Variants in DSPP observed in about 807,000 individuals in gnomAD.
DSPP encodes the protein deafness, autosomal dominant 39.
DSPP carries 28 observed loss-of-function variants against 29.1 expected under a neutral mutation model. The ratio of observed to expected loss-of-function variants is 0.96; its 90% CI spans 0.71 to 1.32. The LOEUF is 1.32. DSPP is among the 40% of genes most tolerant of loss of function. The pLI, the probability that DSPP is intolerant of heterozygous loss-of-function variation, is 0.00. For synonymous variants in DSPP, 481 were observed against 503.4 expected (o/e 0.96, Z 0.60); for missense variants, 1,281 against 1,629.9 (o/e 0.79, Z 3.69).
At chr4:87,610,086 T>C (rs1238894096) in intron 1 of DSPP, among the ~76,000 whole-genome samples, 1 of 152,172 alleles carries the variant, frequency 6.6e-6, no homozygotes, top group African/African-American at 2.4e-5. Context: ...AATACAATAA[T>C]CACCAAGACA....
rs763169156 is a variant in DSPP at position 87,612,708 on chromosome 4, G to A, written c.522G>A (p.Glu174=). Residue 174 remains glutamate (E), a synonymous_variant, in exon 4 of 5, where the codon GAG becomes GAA. Coordinates refer to ENST00000651931, the MANE Select transcript of DSPP (RefSeq NM_014208.3). ...ATGTTGGCGATGCAGGTCACAATGA[G>A]GATGTCGCTGTTGTCCAAGAAGATG... ...NGDVGDAGHN[E]DVAVVQEDGP... The A allele has an allele frequency of 6.2e-7, 1 of 1,614,142 alleles. No individual in the cohort carries two copies. The highest frequency in any genetic ancestry group is 8.5e-7 in the Non-Finnish European group (1 of 1,180,004).
In DSPP at chr4:87,615,034, G is replaced by C. The variant is rs1355589985; in HGVS notation, c.2372G>C (p.Ser791Thr). Residue 791 changes from serine to threonine, a missense_variant, in exon 5 of 5, where the codon AGC becomes ACC. By Grantham distance (58) the Ser-to-Thr change is moderately conservative (BLOSUM62 1). Transcript: ENST00000651931. ...AGTGATAGCAACGACAGCAGCAATAGCAGTGACAGCAGTGATAGCAGCAAC... is the reference window on the plus strand; with the variant it reads ...AGTGATAGCAACGACAGCAGCAATACCAGTGACAGCAGTGATAGCAGCAAC... ...NSSDSNDSSN[S>T]SDSSDSSNSS... 3.9e-6 allele frequency: 6 copies of C among 1,551,156 alleles called. No individual in the cohort carries two copies. In the Admixed American group the frequency reaches 1.2e-4, roughly 30 times the overall value.
chr4:87,610,064 G>A (rs1180646277), intron 1 of DSPP, among the ~76,000 whole-genome samples: 1 of 152,026 alleles, frequency 6.6e-6, no homozygotes, highest in Non-Finnish European at 1.5e-5. Flanking sequence ...TTTTTTCTGT[G>A]CTTTGCATTG....
Position 87,612,685 on chromosome 4 carries a change from G to A in DSPP, c.499G>A (p.Val167Ile), listed in dbSNP as rs1727760432. The change falls in exon 4 of 5, where the codon GTT becomes ATT. Residue 167 changes from valine to isoleucine, a missense_variant. Physicochemically the swap from Val to Ile is conservative, Grantham distance 29. Transcript: ENST00000651931. ...TGATAAGAATACCCAAAATGGGGAT[G>A]TTGGCGATGCAGGTCACAATGAGGA... ...NTDKNTQNGD[V>I]GDAGHNEDVA... The A allele has an allele frequency of 1.9e-6, 3 of 1,614,166 alleles. No individual in the cohort carries two copies. Among genetic ancestry groups the A allele is most frequent in the Middle Eastern group, 1.6e-4 (1 of 6,062 alleles).
intron 1 of DSPP, among the ~76,000 whole-genome samples, chr4:87,609,466 TC>T (rs1338769186): frequency 1.3e-5 from 2 of 152,186 alleles, no homozygotes; most frequent in Non-Finnish European, 2.9e-5. Flanking sequence ...GCCTTCAACA[TC>T]TGTGCCCCAG....
rs756720862 is a variant in DSPP, at chr4:87,612,962, C to T, written c.776C>T (p.Ser259Phe). Residue 259 changes from serine (S) to phenylalanine (F), a missense_variant, in exon 4 of 5, where the codon TCT becomes TTT. This residue lies in a region of DSPP where 631 missense variants were observed against 643.2 expected (regional missense o/e 0.98). Transcript: ENST00000651931. ...GCAGATGAGGATGAAGACGAGGGTT[C>T]TGGTGATGATGAAGATGAAGAAGCA... ...NGADEDEDEG[S>F]GDDEDEEAGN... 31 of 1,613,844 alleles carry T rather than the reference C, an allele frequency of 1.9e-5. No homozygotes were observed. The highest frequency in any genetic ancestry group is 3.3e-5 in the Admixed American group (2 of 59,966).
chr4:87,611,953 A>G (rs1297726753), intron 2 of DSPP, 152 bp from the exon 3 acceptor site: 8 of 806,740 alleles, frequency 9.9e-6, no homozygotes. Flanking sequence ...TTTCTATCTG[A>G]TTAGATCATA....
In DSPP at chr4:87,614,051, T is replaced by C; in HGVS notation, c.1389T>C (p.Asp463=). 1 of 1,614,246 alleles carries C rather than the reference T, an allele frequency of 6.2e-7. No individual in the cohort carries two copies. ...TTGATGATAAGTCCATGCAAGGAGA[T>C]GATCCCAATAGCAGTGATGAATCTA... ...YDFDDKSMQG[D]DPNSSDESNG... The change falls in exon 5 of 5, where the codon GAT becomes GAC. Residue 463 remains aspartate (D), a synonymous_variant. Transcript: ENST00000651931.
rs1727854865 is a variant in DSPP, at chr4:87,615,281, C to T, written c.2619C>T (p.Ser873=). The change falls in exon 5 of 5, where the codon AGC becomes AGT. Residue 873 remains serine, a synonymous_variant. Coordinates refer to ENST00000651931, the MANE Select transcript of DSPP (RefSeq NM_014208.3). ...NSSDSSDSSD[S]SNSSDSSDSS... ...GTGACAGCAGCGATAGCAGTGACAG[C>T]AGCAACAGCAGTGACAGCAGTGATA... 2.0e-6 allele frequency: 3 copies of T among 1,511,792 alleles called. No individual in the cohort carries two copies. The African/African-American group carries it at 4.5e-5, about 23-fold the overall frequency. The allele number at this position is 1,511,792 out of a possible 1,614,324, so 93.6% of individuals were successfully genotyped here.
At position 87,612,785 on chromosome 4, in the gene DSPP, T is replaced by C. The variant is rs1285138695; in HGVS notation, c.599T>C (p.Ile200Thr). The change falls in exon 4 of 5, where the codon ATT (isoleucine) becomes ACT (threonine). Residue 200 changes from isoleucine to threonine, a missense_variant. By Grantham distance (89) the Ile-to-Thr change is moderately conservative. Around this residue, in one of 4 missense-constraint regions of DSPP, gnomAD observed 631 missense variants for 643.2 expected, o/e 0.98. Coordinates refer to ENST00000651931, the MANE Select transcript of DSPP (RefSeq NM_014208.3). ...NNSTDNEDEI[I>T]ENSCRNEGNT... is the part of the protein sequence containing the mutation. ...AGTACAGACAATGAGGATGAAATAA[T>C]TGAGAATTCCTGTAGAAACGAGGGT... is the stretch of plus-strand genomic sequence containing the variant. 6.2e-7 allele frequency: 1 copy of C among 1,613,990 alleles called. No homozygotes were observed. The highest frequency in any genetic ancestry group is 1.7e-5 in the Admixed American group (1 of 60,014).
At position 87,613,423 on chromosome 4, in the gene DSPP, T is replaced by G. The variant is rs556729675; in HGVS notation, c.1122+115T>G. 57 of 1,287,418 alleles carry G rather than the reference T, an allele frequency of 4.4e-5. No individual in the cohort carries two copies. In the South Asian group the frequency reaches 6.8e-4, roughly 15 times the overall value. 79.7% of individuals were successfully genotyped at this position (1,287,418 alleles called of 1,614,324 possible). A position where few individuals can be genotyped will look rare whatever the true frequency, so the allele number is the denominator to read the frequency against. Reference sequence around the variant, plus strand: ...CATCCATGTATTTTTGTATCCATATTACTTGACTATTTAAGGAAATCTAGA... The same window carrying G: ...CATCCATGTATTTTTGTATCCATATGACTTGACTATTTAAGGAAATCTAGA... On this transcript the variant is annotated intron_variant, in intron 4 of 4. Transcript: ENST00000651931.
Position 87,616,696 on chromosome 4 carries a change from G to T in DSPP, c.*128G>T. On this transcript the variant is annotated 3_prime_UTR_variant, in exon 5 of 5. Coordinates refer to ENST00000651931, the MANE Select transcript of DSPP (RefSeq NM_014208.3). Reference sequence around the variant, plus strand: ...GACGTATGTAAACAAAAACAACTGGGGGAATCAAATCAAACAGTTGGATTC... The same window carrying T: ...GACGTATGTAAACAAAAACAACTGGTGGAATCAAATCAAACAGTTGGATTC... 2 of 1,463,254 alleles carry T rather than the reference G, an allele frequency of 1.4e-6. No homozygotes were observed. Among genetic ancestry groups the T allele is most frequent in the South Asian group, 1.2e-5 (1 of 80,344 alleles). The allele number at this position is 1,463,254 out of a possible 1,614,324, so 90.6% of individuals were successfully genotyped here.
Position 87,615,828 on chromosome 4 carries a change from A to C in DSPP, c.3166A>C (p.Asn1056His), listed in dbSNP as rs201074114. 18 of 1,420,706 alleles carry C rather than the reference A, an allele frequency of 1.3e-5. No individual in the cohort carries two copies. The highest frequency in any genetic ancestry group is 1.9e-4 in the Middle Eastern group (1 of 5,194). The allele number at this position is 1,420,706 out of a possible 1,614,324, so 88.0% of individuals were successfully genotyped here. The change falls in exon 5 of 5, where the codon AAT becomes CAT. Residue 1056 changes from asparagine (N) to histidine (H), a missense_variant. Physicochemically the swap from Asn to His is moderately conservative, Grantham distance 68. Transcript: ENST00000651931. ...SDSSDSSDSS[N>H]SSDSSDSSDS... ...TAGCAGTGACAGCAGTGACAGCAGC[A>C]ATAGCAGTGACAGCAGTGACAGCAG...
intron 4 of DSPP, 137 bp downstream of exon 4, chr4:87,613,445 T>G (rs1727781326): frequency 3.7e-6 from 4 of 1,089,676 alleles, no homozygotes; most frequent in Admixed American, 2.0e-5. Context: ...TAAGGAAATC[T>G]AGAGTCCTTA....
In DSPP at chr4:87,616,080, A is replaced by AGCGATAGCAGTG; in HGVS notation, c.3418_3419insGCGATAGCAGTG (p.Asn1140delinsSerAspSerSerAsp). The AGCGATAGCAGTG allele has an allele frequency of 1.6e-5, 1 of 61,234 alleles. No homozygotes were observed. 3.8% of individuals were successfully genotyped at this position (61,234 alleles called of 1,614,324 possible). On this transcript the variant is annotated protein_altering_variant, in exon 5 of 5. Coordinates refer to ENST00000651931, the MANE Select transcript of DSPP (RefSeq NM_014208.3). ...CAGCAGTGATAGCAGTGACAGCAGC[A>AGCGATAGCAGTG]ACAGCAGTGACAGCAGTGACAGCAG...
At chr4:87,612,040 T>C (rs1177127125) in intron 2 of DSPP, 65 bp from the exon 3 acceptor site, 5 of 1,197,394 alleles carry the variant, frequency 4.2e-6, no homozygotes, top group African/African-American at 3.1e-5. Flanking sequence ...TGTGTGTGTG[T>C]GCACGCTCAC....
chr4:87,616,635 T>A lies in DSPP; in HGVS notation c.*67T>A. On this transcript the variant is annotated 3_prime_UTR_variant, in exon 5 of 5. Coordinates refer to ENST00000651931, the MANE Select transcript of DSPP (RefSeq NM_014208.3). ...GGTAATGGGATAGGAAAAAAAGATT[T>A]CCAAGAAAGTAAAGAAAGGGGAGAA... is the stretch of plus-strand genomic sequence containing the variant. The A allele has an allele frequency of 6.5e-7, 1 of 1,548,810 alleles. No individual in the cohort carries two copies. Among genetic ancestry groups the A allele is most frequent in the Non-Finnish European group, 8.7e-7 (1 of 1,145,574 alleles).
intron 1 of DSPP, among the ~76,000 whole-genome samples, chr4:87,610,236 A>G (rs1297306071): frequency 3.3e-5 from 5 of 152,116 alleles, no homozygotes; most frequent in African/African-American, 1.2e-4. Context: ...ATACCCTTTG[A>G]AGTGGCGTCA....
At position 87,612,426 on chromosome 4, in the gene DSPP, G is replaced by A. The variant is rs772101016; in HGVS notation, c.240G>A (p.Gly80=). The A allele has an allele frequency of 6.2e-7, 1 of 1,614,018 alleles. No homozygotes were observed. The highest frequency in any genetic ancestry group is 1.1e-5 in the South Asian group (1 of 91,054). ...CCCAAGATGGTCACAAGGGAGAAGG[G>A]AATGGCTCTAAGTGGGCAGAAGTAG... The part of the protein sequence containing the change: ...ENTQDGHKGE[G]NGSKWAEVGG... Residue 80 remains glycine, a synonymous_variant, in exon 4 of 5, where the codon GGG becomes GGA. Transcript: ENST00000651931.
Sources: allele counts gnomAD v4.1 joint callset (sites outside exome capture counted in the v4.1 genomes callset), GRCh38; gene constraint gnomAD v4.1.1; regional missense constraint gnomAD v4.1.1; transcripts MANE v1.5; gene names NCBI Gene and HGNC (gene_info 2026-07-23, HGNC 2026-07-21).